The following STK38 variants were observed in gnomAD, a reference collection of about 807,000 sequenced individuals.
The protein encoded by STK38 is serine/threonine-protein kinase 38.
In STK38, 26 loss-of-function variants were observed where a neutral mutation model predicts 59.0. The ratio of observed to expected loss-of-function variants is 0.44; its 90% CI spans 0.32 to 0.61. STK38 has a LOEUF of 0.61. Ranked by LOEUF, STK38 falls within the 20% of genes least tolerant of loss-of-function variation. The probability of loss-of-function intolerance (pLI) is 0.04; values close to 1 mark genes in which losing one functional copy is unlikely to be tolerated. For synonymous variants in STK38, 175 were observed against 176.6 expected (o/e 0.99, Z 0.07); for missense variants, 433 against 566.0 (o/e 0.76, Z 2.38).
chr6:36,532,578 C>T (rs894616124), intron 2 of STK38, among the ~76,000 whole-genome samples: 2 of 152,024 alleles, frequency 1.3e-5, no homozygotes, highest in African/African-American at 4.8e-5. Context: ...GAACTCAAGA[C>T]CAGCCTGGCC....
Position 36,495,198 on chromosome 6 carries a change from T to C in STK38, c.*586A>G, listed in dbSNP as rs1741725183. ...CTTTATCTTAGTACCATAAATAAAG[T>C]GCACCATGAATGGAGGCTATAAGCC... is the stretch of plus-strand genomic sequence containing the variant. On this transcript the variant is annotated 3_prime_UTR_variant, in exon 14 of 14. Transcript: ENST00000229812. 6.5e-6 allele frequency: 1 copy of C among 153,058 alleles called. No individual in the cohort carries two copies. The allele number at this position is 153,058 out of a possible 1,614,324, so 9.5% of individuals were successfully genotyped here. A position where few individuals can be genotyped will look rare whatever the true frequency, so the allele number is the denominator to read the frequency against.
chr6:36,499,471 T>TA (rs888985611), intron 10 of STK38, among the ~76,000 whole-genome samples: 2 of 151,596 alleles, frequency 1.3e-5, no homozygotes, highest in Admixed American at 6.6e-5. Context: ...ACCAATACAA[T>TA]AAGAGGGAGA....
chr6:36,527,969 T>C (rs900189937), intron 2 of STK38, among the ~76,000 whole-genome samples: 19 of 146,750 alleles, frequency 1.3e-4, no homozygotes, highest in Non-Finnish European at 2.4e-4. Flanking sequence ...ATTAGCCAGG[T>C]GTAGTGGCCG....
intron 4 of STK38, among the ~76,000 whole-genome samples, chr6:36,523,568 C>A (rs767898473): frequency 1.8e-4 from 27 of 152,124 alleles, no homozygotes; most frequent in Non-Finnish European, 3.7e-4. Context: ...CCCCGGGGTA[C>A]CAGGTTTTAA....
At chr6:36,503,228 G>T (rs549083221) in intron 9 of STK38, among the ~76,000 whole-genome samples, 2 of 151,650 alleles carry the variant, frequency 1.3e-5, no homozygotes, top group South Asian at 4.2e-4. Context: ...TATATAGAAG[G>T]TTTTTTTTCC....
In STK38 at chr6:36,498,322, T is replaced by C. The variant is rs368721349; in HGVS notation, c.1076+41A>G. The C allele has an allele frequency of 1.2e-5, 19 of 1,579,504 alleles. No individual in the cohort carries two copies. The African/African-American group carries it at 2.5e-4, about 21-fold the overall frequency. ...TTTAAAAAAATGGAATCATTCATAT[T>C]AAAAAGCTGAGAAAGAAGGTGGAGG... On this transcript the variant is annotated intron_variant, in intron 11 of 13. Transcript: ENST00000229812.
At chr6:36,542,704 G>A (rs1777967974) in intron 1 of STK38, among the ~76,000 whole-genome samples, 1 of 152,100 alleles carries the variant, frequency 6.6e-6, no homozygotes, top group African/African-American at 2.4e-5. Context: ...CAGCACTTTG[G>A]GAGGCCAAGG....
intron 9 of STK38, among the ~76,000 whole-genome samples, 153 bp downstream of exon 9, chr6:36,506,430 G>A (rs571406972): frequency 2.0e-5 from 3 of 152,186 alleles, no homozygotes; most frequent in East Asian, 3.9e-4. Context: ...GATTCCTTTC[G>A]GTCCTACCAA....
chr6:36,498,170 G>A (rs959011423), intron 11 of STK38, among the ~76,000 whole-genome samples, 193 bp downstream of exon 11: 2 of 152,102 alleles, frequency 1.3e-5, no homozygotes, highest in Admixed American at 6.5e-5. Context: ...GGGCTCAAGT[G>A]ATCCCCCTGC....
intron 2 of STK38, among the ~76,000 whole-genome samples, chr6:36,527,205 AAAATATATG>A (rs1777538927): frequency 6.2e-5 from 7 of 112,752 alleles, no homozygotes; most frequent in African/African-American, 7.4e-5. Context: ...AAAAAAAAAA[AAAATATATG>A]TATATATATA....
At chr6:36,524,138 G>C (rs926512910) in intron 4 of STK38, among the ~76,000 whole-genome samples, 2 of 152,060 alleles carry the variant, frequency 1.3e-5, no homozygotes, top group East Asian at 1.9e-4. Flanking sequence ...ACCATCTCTG[G>C]CAAAACAGAG....
chr6:36,524,576 G>C, intron 3 of STK38, 113 bp from the exon 4 acceptor site: 1 of 1,108,892 alleles, frequency 9.0e-7, no homozygotes, highest in Non-Finnish European at 1.3e-6. Flanking sequence ...GTGGACTAAG[G>C]ATAATCTTTT....
chr6:36,510,590 T>C (rs1439646405), intron 7 of STK38, among the ~76,000 whole-genome samples: 1 of 152,218 alleles, frequency 6.6e-6, no homozygotes, highest in Non-Finnish European at 1.5e-5. Flanking sequence ...GCTGGCATCT[T>C]CCCAGCAGAG....
intron 3 of STK38, 80 bp downstream of exon 3, chr6:36,525,511 G>A: frequency 1.5e-6 from 2 of 1,347,400 alleles, no homozygotes; most frequent in African/African-American, 1.4e-5. Context: ...CTTCTCATGT[G>A]TACCAAGGCT....
chr6:36,529,562 C>T (rs1175323842), intron 2 of STK38, among the ~76,000 whole-genome samples: 2 of 152,132 alleles, frequency 1.3e-5, no homozygotes, highest in Admixed American at 1.3e-4. Context: ...CACTTAGAGG[C>T]CATATCCAGC....
At chr6:36,508,254 G>A (rs1341381474) in intron 7 of STK38, among the ~76,000 whole-genome samples, 2 of 152,044 alleles carry the variant, frequency 1.3e-5, no homozygotes, top group African/African-American at 4.8e-5. Flanking sequence ...CACTTTAAAA[G>A]TCTACATAAT....
chr6:36,537,708 GACA>G (rs879524829), intron 2 of STK38, among the ~76,000 whole-genome samples: 4 of 151,916 alleles, frequency 2.6e-5, no homozygotes, highest in Non-Finnish European at 5.9e-5. Flanking sequence ...GACCAGCCTG[GACA>G]ACAAAGTGAG....
chr6:36,515,445 C>T lies in STK38; in HGVS notation c.562G>A (p.Glu188Lys). 1 of 1,613,906 alleles carries T rather than the reference C, an allele frequency of 6.2e-7. No individual in the cohort carries two copies. The highest frequency in any genetic ancestry group is 8.5e-7 in the Non-Finnish European group (1 of 1,179,990). Reference sequence around the variant, plus strand: ...GTTTCTGCTATATAAAACTGAGTCTCCTCTTCTGTCAGAGTGTCTTTTTTC... The same window carrying T: ...GTTTCTGCTATATAAAACTGAGTCTTCTCTTCTGTCAGAGTGTCTTTTTTC... ...LMKKDTLTEEETQFYIAETVL... is the reference protein window; with the variant it reads ...LMKKDTLTEEKTQFYIAETVL... The change falls in exon 7 of 14, where the codon GAG (glutamate) becomes AAG (lysine). Residue 188 changes from glutamate to lysine, a missense_variant. Physicochemically the swap from Glu to Lys is moderately conservative, Grantham distance 56. Coordinates refer to ENST00000229812, the MANE Select transcript of STK38 (RefSeq NM_007271.4).
intron 7 of STK38, among the ~76,000 whole-genome samples, chr6:36,507,899 A>C (rs1777005061): frequency 6.6e-6 from 1 of 151,546 alleles, no homozygotes; most frequent in South Asian, 2.1e-4. Flanking sequence ...CTTGTACTCA[A>C]ATATTCCTCT....
Sources: allele counts gnomAD v4.1 joint callset (sites outside exome capture counted in the v4.1 genomes callset), GRCh38; gene constraint gnomAD v4.1.1; transcripts MANE v1.5; gene names NCBI Gene and HGNC (gene_info 2026-07-23, HGNC 2026-07-21).